Variants in SMG5 observed in about 807,000 individuals in gnomAD.
SMG5 encodes SMG5 nonsense mediated mRNA decay factor, also known as nonsense-mediated mRNA decay factor SMG5.
A neutral mutation model predicts 122.9 loss-of-function variants in SMG5; 53 were observed. That is an observed-to-expected ratio of 0.43 (90% CI 0.35 to 0.54). The LOEUF (loss-of-function observed/expected upper bound fraction) is 0.54. Ranked by LOEUF, SMG5 falls within the 20% of genes least tolerant of loss-of-function variation. The pLI is 0.01. For synonymous variants in SMG5, 477 were observed against 490.2 expected (o/e 0.97, Z 0.35); for missense variants, 1,153 against 1,285.6 (o/e 0.90, Z 1.58).
At chr1:156,251,760 C>G (rs907568089) in intron 19 of SMG5, among the ~76,000 whole-genome samples, 5 of 152,174 alleles carry the variant, frequency 3.3e-5, no homozygotes, top group Non-Finnish European at 5.9e-5. Context: ...AGACAAGGTC[C>G]GAACAATCAG....
At chr1:156,269,693 G>A (rs1259411478) in intron 7 of SMG5, among the ~76,000 whole-genome samples, 1 of 152,134 alleles carries the variant, frequency 6.6e-6, no homozygotes, top group Non-Finnish European at 1.5e-5. Context: ...GGCTAACACA[G>A]TGAGACCCCG....
At chr1:156,267,191 C>T (rs1662189507) in intron 10 of SMG5, among the ~76,000 whole-genome samples, 1 of 152,214 alleles carries the variant, frequency 6.6e-6, no homozygotes, top group Non-Finnish European at 1.5e-5. Flanking sequence ...TCACTAAGTA[C>T]CCTGACCCTT....
chr1:156,251,281 G>T, intron 20 of SMG5, 122 bp downstream of exon 20: 2 of 1,172,338 alleles, frequency 1.7e-6, no homozygotes, highest in Non-Finnish European at 2.5e-6. Context: ...CCTGCAGGAG[G>T]GCCCTGGCAG....
rs749583559 is a variant in SMG5, at chr1:156,253,032, T to A, written c.2549A>T (p.Gln850Leu). ...LEGSLQQPKAQSAMSPYLVPD... is the reference protein window; with the variant it reads ...LEGSLQQPKALSAMSPYLVPD... Reference sequence around the variant, plus strand: ...GACGAGGTAGGGAGACATGGCTGACTGGGCCTTGGGCTGCTGCAGGCTGCC... The same window carrying A: ...GACGAGGTAGGGAGACATGGCTGACAGGGCCTTGGGCTGCTGCAGGCTGCC... Residue 850 changes from glutamine (Q) to leucine (L), a missense_variant, in exon 18 of 22, where the codon CAG (glutamine) becomes CTG (leucine). By Grantham distance (113) the Gln-to-Leu change is moderately radical (BLOSUM62 -2). Transcript: ENST00000361813. The A allele has an allele frequency of 3.1e-6, 5 of 1,612,442 alleles. No homozygotes were observed. The South Asian group carries it at 5.5e-5, about 18-fold the overall frequency.
At chr1:156,263,062 C>T (rs536476186) in intron 13 of SMG5, among the ~76,000 whole-genome samples, 1 of 152,336 alleles carries the variant, frequency 6.6e-6, no homozygotes, top group East Asian at 1.9e-4. Flanking sequence ...TGTTCTCTCC[C>T]TTCTCTGGAT....
At chr1:156,252,539 A>C (rs777927587) in intron 18 of SMG5, 35 bp from the exon 19 acceptor site, 2 of 1,602,996 alleles carry the variant, frequency 1.2e-6, no homozygotes, top group Non-Finnish European at 1.7e-6. Context: ...AAAACAGATA[A>C]GCTCAGACTG....
In SMG5 at chr1:156,251,387, A is replaced by AG. The variant is rs768474778; in HGVS notation, c.2828+15dup. 3.7e-6 allele frequency: 6 copies of AG among 1,614,010 alleles called. No individual in the cohort carries two copies. In the South Asian group the frequency reaches 6.6e-5, roughly 18 times the overall value. On this transcript the variant is annotated intron_variant, in intron 20 of 21. Coordinates refer to ENST00000361813, the MANE Select transcript of SMG5 (RefSeq NM_015327.3). ...CAGGTGGCCTGAGGTTCTAGGGGTG[A>AG]GGGCTAAAATGTTACCAGGCATCTG...
chr1:156,267,717 G>C, intron 9 of SMG5, 39 bp from the exon 10 acceptor site: 1 of 1,542,382 alleles, frequency 6.5e-7, no homozygotes, highest in Non-Finnish European at 8.8e-7. Context: ...GTCAGTGGTG[G>C]GGGCTGGGGA....
intron 11 of SMG5, 36 bp downstream of exon 11, chr1:156,266,505 A>G (rs1381103231): frequency 5.6e-6 from 9 of 1,613,202 alleles, no homozygotes; most frequent in African/African-American, 2.7e-5. Context: ...CCCCACACCA[A>G]CCTTTCCATA....
the SMG5 span, chr1:156,290,734 C>G: frequency 6.6e-6 from 1 of 151,776 alleles, no homozygotes; most frequent in Non-Finnish European, 1.5e-5. Flanking sequence ...GAGGCTGAGG[C>G]AGGAGAATTG....
At chr1:156,271,147 AG>A (rs1210545116) in intron 7 of SMG5, among the ~76,000 whole-genome samples, 1 of 152,238 alleles carries the variant, frequency 6.6e-6, no homozygotes, top group Admixed American at 6.5e-5. Flanking sequence ...ACCCTCAACA[AG>A]CTAAATTTAA....
rs1662813354 is a variant in SMG5 at position 156,279,030 on chromosome 1, C to T, written c.79G>A (p.Val27Met). The change falls in exon 2 of 22, where the codon GTG (valine) becomes ATG (methionine). Residue 27 changes from valine (V) to methionine (M), a missense_variant. This residue lies in a region of SMG5 where 213 missense variants were observed against 197.5 expected (regional missense o/e 1.08). Transcript: ENST00000361813. ...VLHTKRLYRA[V>M]VEAVHRLDLI... is the part of the protein sequence containing the mutation. Reference sequence around the variant, plus strand: ...TCAAGTCGATGCACAGCCTCCACCACAGCCCTGTAGGGAAATACAGGCAAA... The same window carrying T: ...TCAAGTCGATGCACAGCCTCCACCATAGCCCTGTAGGGAAATACAGGCAAA... 4 of 1,614,058 alleles carry T rather than the reference C, an allele frequency of 2.5e-6. No homozygotes were observed. Among genetic ancestry groups the T allele is most frequent in the Non-Finnish European group, 3.4e-6 (4 of 1,179,908 alleles).
At chr1:156,288,108 G>A in the SMG5 span, among the ~76,000 whole-genome samples, 1 of 151,472 alleles carries the variant, frequency 6.6e-6, no homozygotes, top group East Asian at 2.0e-4. Flanking sequence ...CCAACTACTC[G>A]GGAGGCTGAG....
At chr1:156,274,870 C>A (rs919716098) in intron 4 of SMG5, among the ~76,000 whole-genome samples, 184 bp from the exon 5 acceptor site, 1 of 151,994 alleles carries the variant, frequency 6.6e-6, no homozygotes, top group South Asian at 2.1e-4. Context: ...GGTGGCCATA[C>A]GCAGGGACTC....
intron 17 of SMG5, 81 bp downstream of exon 17, chr1:156,253,368 C>T (rs182121437): frequency 1.2e-5 from 17 of 1,416,084 alleles, no homozygotes; most frequent in African/African-American, 2.8e-5. Context: ...GGGACTACAG[C>T]GGAAGGGGGA....
intron 13 of SMG5, among the ~76,000 whole-genome samples, chr1:156,262,876 C>T (rs2103221877): frequency 6.6e-6 from 1 of 152,320 alleles, no homozygotes; most frequent in Non-Finnish European, 1.5e-5. Flanking sequence ...TCAAGGCTGA[C>T]ACTCTGAACC....
chr1:156,257,004 G>A (rs1455385567), intron 16 of SMG5, among the ~76,000 whole-genome samples: 1 of 148,744 alleles, frequency 6.7e-6, no homozygotes, highest in Non-Finnish European at 1.5e-5. Flanking sequence ...TTGACTCACT[G>A]CAACATCTGC....
At chr1:156,267,716 G>A (rs760032910) in intron 9 of SMG5, 38 bp from the exon 10 acceptor site, 1 of 1,539,738 alleles carries the variant, frequency 6.5e-7, no homozygotes, top group Admixed American at 1.8e-5. Flanking sequence ...GGTCAGTGGT[G>A]GGGGCTGGGG....
chr1:156,251,124 G>T, intron 20 of SMG5, 128 bp from the exon 21 acceptor site: 1 of 1,300,638 alleles, frequency 7.7e-7, no homozygotes, highest in Non-Finnish European at 1.1e-6. Flanking sequence ...GGCCCTGGAA[G>T]CTGGCCCTGG....
Sources: gnomAD v4.1 joint callset for allele counts (sites outside exome capture counted in the v4.1 genomes callset) on GRCh38, gnomAD v4.1.1 for gene constraint, gnomAD v4.1.1 regional missense constraint, MANE v1.5 for transcripts, NCBI Gene and HGNC (gene_info 2026-07-23, HGNC 2026-07-21) for gene names.